TRIOBP: variants seen among roughly 807,000 people sequenced by gnomAD.
TRIOBP encodes TRIO and F-actin-binding protein.
TRIOBP carries 169 observed loss-of-function variants against 238.8 expected under a neutral mutation model. The ratio of observed to expected loss-of-function variants is 0.71; its 90% CI spans 0.62 to 0.80. TRIOBP has a LOEUF of 0.80. TRIOBP is among the 30% of genes least tolerant of loss of function. The pLI is 0.00. For missense variants in TRIOBP, 2,838 were observed against 3,122.6 expected, an observed-to-expected ratio of 0.91 and a Z score of 2.17; for synonymous variants, 1,150 against 1,274.4, an observed-to-expected ratio of 0.90 and a Z score of 2.08.
chr22:37,744,782 TC>T (rs1925134760), intron 11 of TRIOBP, among the ~76,000 whole-genome samples: 1 of 152,156 alleles, frequency 6.6e-6, no homozygotes, highest in South Asian at 2.1e-4. Context: ...GTGGAGAGAC[TC>T]CTGGCAGCAA....
At chr22:37,742,262 T>TTTTG in intron 11 of TRIOBP, among the ~76,000 whole-genome samples, 1 of 147,334 alleles carries the variant, frequency 6.8e-6, no homozygotes, top group Non-Finnish European at 1.5e-5. Context: ...CAGGCGTTTT[T>TTTTG]TTTTTTTTTT....
chr22:37,759,276 G>T lies in TRIOBP; in HGVS notation c.6324+12G>T, dbSNP rs1268405903. ...GCTACATCTCACAGGTAAGGCCGGG[G>T]GGCTGTTTTTCAGGGGGAGGGGGCA... On this transcript the variant is annotated intron_variant, in intron 17 of 23. Coordinates refer to ENST00000644935, the MANE Select transcript of TRIOBP (RefSeq NM_001039141.3). 1 of 1,611,402 alleles carries T rather than the reference G, an allele frequency of 6.2e-7. No homozygotes were observed. The highest frequency in any genetic ancestry group is 2.2e-5 in the East Asian group (1 of 44,848).
chr22:37,746,457 G>T, intron 11 of TRIOBP: 1 of 1,416,584 alleles, frequency 7.1e-7, no homozygotes, highest in Non-Finnish European at 9.3e-7. Flanking sequence ...CCCGAGGCCG[G>T]GAGAAGGGCG....
At chr22:37,718,280 G>T (rs1923641423) in intron 6 of TRIOBP, among the ~76,000 whole-genome samples, 1 of 152,234 alleles carries the variant, frequency 6.6e-6, no homozygotes, top group Non-Finnish European at 1.5e-5. Context: ...GCCCAGGAAG[G>T]GGCTCCCACA....
chr22:37,726,411 A>G lies in TRIOBP; in HGVS notation c.3855A>G (p.Arg1285=). ...DLPPPRRLAQ[R]QPGPQAQCSS... ...CCCCACCCAGGAGGCTGGCCCAGAGACAGCCAGGGCCCCAGGCGCAGTGCA... is the reference window on the plus strand; with the variant it reads ...CCCCACCCAGGAGGCTGGCCCAGAGGCAGCCAGGGCCCCAGGCGCAGTGCA... The change falls in exon 7 of 24, where the codon AGA becomes AGG. Residue 1285 remains arginine, a synonymous_variant. Coordinates refer to ENST00000644935, the MANE Select transcript of TRIOBP (RefSeq NM_001039141.3). The G allele has an allele frequency of 6.3e-7, 1 of 1,586,878 alleles. No individual in the cohort carries two copies. The highest frequency in any genetic ancestry group is 8.6e-7 in the Non-Finnish European group (1 of 1,166,836).
Position 37,724,464 on chromosome 22 carries a change from C to T in TRIOBP, c.1908C>T (p.Ala636=). The T allele has an allele frequency of 6.2e-7, 1 of 1,612,486 alleles. No individual in the cohort carries two copies. Among genetic ancestry groups the T allele is most frequent in the African/African-American group, 1.3e-5 (1 of 74,704 alleles). ...TSCAQRDNPR[A]SSPNRTTQQD... ...GTGCCCAGCGGGACAATCCCAGAGCCTCCTCTCCCAACAGAACCACCCAAC... is the reference window on the plus strand; with the variant it reads ...GTGCCCAGCGGGACAATCCCAGAGCTTCCTCTCCCAACAGAACCACCCAAC... The change falls in exon 7 of 24, where the codon GCC becomes GCT. Residue 636 remains alanine (A), a synonymous_variant. Coordinates refer to ENST00000644935, the MANE Select transcript of TRIOBP (RefSeq NM_001039141.3).
intron 11 of TRIOBP, among the ~76,000 whole-genome samples, chr22:37,743,607 G>C (rs533083089): frequency 6.6e-6 from 1 of 152,284 alleles, no homozygotes; most frequent in South Asian, 2.1e-4. Context: ...AGTTAGGTAA[G>C]GACACTGACA....
Position 37,774,123 on chromosome 22 carries a change from T to TATA in TRIOBP, c.*344_*345insTAA, listed in dbSNP as rs1926928686. 1 of 139,586 alleles carries TATA rather than the reference T, an allele frequency of 7.2e-6. No homozygotes were observed. Among genetic ancestry groups the TATA allele is most frequent in the Admixed American group, 7.1e-5 (1 of 14,046 alleles). The allele number at this position is 139,586 out of a possible 1,614,324, so 8.6% of individuals were successfully genotyped here. A position where few individuals can be genotyped will look rare whatever the true frequency, so the allele number is the denominator to read the frequency against. On this transcript the variant is annotated 3_prime_UTR_variant, in exon 24 of 24. Coordinates refer to ENST00000644935, the MANE Select transcript of TRIOBP (RefSeq NM_001039141.3). Reference sequence around the variant, plus strand: ...TTTTTTTCCAAAACACTTTATACTTTAAAAAAAAAAAAAAAAAGCAATTCC... The same window carrying TATA: ...TTTTTTTCCAAAACACTTTATACTTTATAAAAAAAAAAAAAAAAAAGCAATTCC...
rs554481518 is a variant in TRIOBP, at chr22:37,727,177, A to G, written c.3947+674A>G. ...ACCCGCCTCGGCCTCGCAAAGTGCT[A>G]GGATTACAGGAGTGAGCCACCGTGC... On this transcript the variant is annotated intron_variant, in intron 7 of 23. Coordinates refer to ENST00000644935, the MANE Select transcript of TRIOBP (RefSeq NM_001039141.3). Among the ~76,000 whole-genome samples, 3 of 150,794 alleles carry G rather than the reference A, an allele frequency of 2.0e-5. No homozygotes were observed. In the South Asian group the frequency reaches 6.3e-4, roughly 32 times the overall value.
In TRIOBP at chr22:37,738,702, C is replaced by G; in HGVS notation, c.5167C>G (p.Gln1723Glu). ...CAGAGGCCAAGACCCCCTGACTGACCAGAAGCAGGCAGACTCGGTAGCTGG... is the reference window on the plus strand; with the variant it reads ...CAGAGGCCAAGACCCCCTGACTGACGAGAAGCAGGCAGACTCGGTAGCTGG... Reference protein sequence around the residue: ...PSRGQDPLTDQKQADSADKRP... With the variant: ...PSRGQDPLTDEKQADSADKRP... Residue 1723 changes from glutamine to glutamate, a missense_variant, in exon 10 of 24, where the codon CAG (glutamine) becomes GAG (glutamate). This residue lies in a region of TRIOBP where 2,096 missense variants were observed against 2,137.4 expected (regional missense o/e 0.98). Coordinates refer to ENST00000644935, the MANE Select transcript of TRIOBP (RefSeq NM_001039141.3). The G allele has an allele frequency of 2.5e-6, 4 of 1,613,908 alleles. No homozygotes were observed. Among genetic ancestry groups the G allele is most frequent in the Non-Finnish European group, 3.4e-6 (4 of 1,179,952 alleles).
At position 37,726,139 on chromosome 22, in the gene TRIOBP, A is replaced by G; in HGVS notation, c.3583A>G (p.Ser1195Gly). 1 of 1,550,858 alleles carries G rather than the reference A, an allele frequency of 6.4e-7. No individual in the cohort carries two copies. Among genetic ancestry groups the G allele is most frequent in the South Asian group, 1.2e-5 (1 of 86,500 alleles). The change falls in exon 7 of 24, where the codon AGT (serine) becomes GGT (glycine). Residue 1195 changes from serine (S) to glycine (G), a missense_variant. Ser to Gly is a moderately conservative substitution (Grantham distance 56). Around this residue, in one of 5 missense-constraint regions of TRIOBP, gnomAD observed 2,096 missense variants for 2,137.4 expected, o/e 0.98. Coordinates refer to ENST00000644935, the MANE Select transcript of TRIOBP (RefSeq NM_001039141.3). ...SLFFQDPPGT[S>G]MESLAPSTDS... is the part of the protein sequence containing the mutation. ...CTTCTTCCAGGATCCCCCTGGAACT[A>G]GTATGGAGAGCCTGGCCCCCTCCAC...
chr22:37,751,191 C>G (rs771679187), intron 11 of TRIOBP: 1 of 390,990 alleles, frequency 2.6e-6, no homozygotes, highest in South Asian at 2.0e-5. Context: ...CCCTGGGCGG[C>G]ACCCAGAAGG....
At chr22:37,760,361 T>C (rs551496258) in intron 17 of TRIOBP, 4 of 152,304 alleles carry the variant, frequency 2.6e-5, no homozygotes, top group Non-Finnish European at 5.9e-5. Context: ...AATTCTGCAG[T>C]GTAAATACTC....
In TRIOBP at chr22:37,725,408, C is replaced by T. The variant is rs777460827; in HGVS notation, c.2852C>T (p.Ser951Phe). The change falls in exon 7 of 24, where the codon TCT (serine) becomes TTT (phenylalanine). Residue 951 changes from serine to phenylalanine, a missense_variant. By Grantham distance (155) the Ser-to-Phe change is radical (BLOSUM62 -2). Transcript: ENST00000644935. ...CAAGGTGACAGGCCTCAGACATCCT[C>T]TCCCAGCAGGCCAGCCCAGCATGAC... ...PTQGDRPQTSSPSRPAQHDPP... is the reference protein window; with the variant it reads ...PTQGDRPQTSFPSRPAQHDPP... The T allele has an allele frequency of 8.1e-6, 13 of 1,610,610 alleles. No individual in the cohort carries two copies. Among genetic ancestry groups the T allele is most frequent in the Non-Finnish European group, 5.9e-6 (7 of 1,177,822 alleles).
chr22:37,756,299 A>G (rs1476360090), intron 15 of TRIOBP, among the ~76,000 whole-genome samples: 14 of 152,120 alleles, frequency 9.2e-5, no homozygotes, highest in Admixed American at 3.9e-4. Context: ...CGTCCCTACA[A>G]AAAATTTAAA....
Position 37,768,284 on chromosome 22 carries a change from C to G in TRIOBP, c.6575+108C>G, listed in dbSNP as rs543148883. The G allele has an allele frequency of 8.4e-5, 75 of 892,612 alleles. No homozygotes were observed. The East Asian group carries it at 1.9e-3, about 22-fold the overall frequency. 55.3% of individuals were successfully genotyped at this position (892,612 alleles called of 1,614,324 possible). A position where few individuals can be genotyped will look rare whatever the true frequency, so the allele number is the denominator to read the frequency against. On this transcript the variant is annotated intron_variant, in intron 19 of 23. Transcript: ENST00000644935. The stretch of plus-strand genomic sequence containing the variant: ...ATCAGTTTGCCCCTAGCTGAGATTC[C>G]TGCTCCAGTCTCATGGATGCAAGAA...
intron 18 of TRIOBP, among the ~76,000 whole-genome samples, chr22:37,767,757 A>AG (rs1401727429): frequency 1.3e-5 from 2 of 152,054 alleles, no homozygotes; most frequent in African/African-American, 4.8e-5. Flanking sequence ...CTAGAACAGG[A>AG]GGTACCAATG....
At chr22:37,706,721 G>A (rs1922958257) in intron 3 of TRIOBP, among the ~76,000 whole-genome samples, 1 of 150,414 alleles carries the variant, frequency 6.6e-6, no homozygotes, top group Non-Finnish European at 1.5e-5. Context: ...CCAGGAGATT[G>A]AGGCTGCAGT....
intron 3 of TRIOBP, among the ~76,000 whole-genome samples, chr22:37,703,841 G>T (rs1297371046): frequency 6.6e-6 from 1 of 151,994 alleles, no homozygotes; most frequent in Non-Finnish European, 1.5e-5. Flanking sequence ...TAGCTCTCTT[G>T]TGCTCACCTG....
Sources: gnomAD v4.1 joint callset for allele counts (sites outside exome capture counted in the v4.1 genomes callset) on GRCh38, gnomAD v4.1.1 for gene constraint, gnomAD v4.1.1 regional missense constraint, MANE v1.5 for transcripts, NCBI Gene and HGNC (gene_info 2026-07-23, HGNC 2026-07-21) for gene names.